The following STARD7 variants were observed in gnomAD, a reference collection of about 807,000 sequenced individuals.
The protein encoded by STARD7 is StAR related lipid transfer domain containing 7, also known as stAR-related lipid transfer protein 7, mitochondrial.
In STARD7, 30 loss-of-function variants were observed where a neutral mutation model predicts 45.3. The observed-to-expected ratio is 0.66, with a 90% CI of 0.50 to 0.90. The LOEUF (loss-of-function observed/expected upper bound fraction) is 0.90. Ranked by LOEUF, STARD7 falls within the 40% of genes least tolerant of loss-of-function variation. The probability of loss-of-function intolerance (pLI) is 0.00; values close to 1 mark genes in which losing one functional copy is unlikely to be tolerated. For synonymous variants in STARD7, 199 were observed against 183.0 expected, an observed-to-expected ratio of 1.09 and a Z score of -0.70; for missense variants, 495 against 491.3, an observed-to-expected ratio of 1.01 and a Z score of -0.07.
At chr2:96,207,127 A>T (rs1328991175) in intron 1 of STARD7, among the ~76,000 whole-genome samples, 1 of 152,248 alleles carries the variant, frequency 6.6e-6, no homozygotes, top group Non-Finnish European at 1.5e-5. Flanking sequence ...TTTACCCACA[A>T]TTCATAGTGT....
chr2:96,198,091 G>C (rs375979056), intron 1 of STARD7, among the ~76,000 whole-genome samples: 2 of 152,108 alleles, frequency 1.3e-5, no homozygotes, highest in Non-Finnish European at 2.9e-5. Context: ...GGGAGGCCAA[G>C]GTGGGTGGAT....
chr2:96,202,072 T>C (rs909333422), intron 1 of STARD7, among the ~76,000 whole-genome samples: 2 of 152,174 alleles, frequency 1.3e-5, no homozygotes, highest in Non-Finnish European at 2.9e-5. Context: ...AGGGGAATAT[T>C]TGTCATTTTG....
chr2:96,208,097 C>T, intron 1 of STARD7, 48 bp downstream of exon 1: 1 of 1,485,182 alleles, frequency 6.7e-7, no homozygotes, highest in South Asian at 1.4e-5. Flanking sequence ...CCAGGGTTCA[C>T]AAGCCCCCCC....
intron 6 of STARD7, among the ~76,000 whole-genome samples, chr2:96,188,821 GA>G (rs1433911598): frequency 1.3e-5 from 2 of 151,946 alleles, no homozygotes; most frequent in African/African-American, 4.8e-5. Context: ...TTGAACCCGG[GA>G]GGCGGAGGTT....
At chr2:96,196,204 C>T (rs1683203590) in intron 1 of STARD7, among the ~76,000 whole-genome samples, 1 of 152,092 alleles carries the variant, frequency 6.6e-6, no homozygotes, top group African/African-American at 2.4e-5. Context: ...GAGGCTCACT[C>T]CTGTAGTCCC....
chr2:96,196,960 G>T (rs1683220274), intron 1 of STARD7, among the ~76,000 whole-genome samples: 1 of 151,628 alleles, frequency 6.6e-6, no homozygotes, highest in Non-Finnish European at 1.5e-5. Flanking sequence ...CAGCTACTCG[G>T]GAGACTGAGG....
At chr2:96,204,110 T>C (rs1180413543) in intron 1 of STARD7, among the ~76,000 whole-genome samples, 1 of 149,380 alleles carries the variant, frequency 6.7e-6, no homozygotes, top group African/African-American at 2.5e-5. Flanking sequence ...AATACAAAAA[T>C]TAAACAGGCG....
intron 1 of STARD7, among the ~76,000 whole-genome samples, chr2:96,196,841 G>C (rs1166903594): frequency 1.3e-5 from 2 of 151,722 alleles, no homozygotes. Flanking sequence ...GCTGAGGCAG[G>C]CGATCACCTG....
chr2:96,190,335 CTTTTTTTTTTT>C (rs1253428303), intron 6 of STARD7, among the ~76,000 whole-genome samples: 1 of 131,726 alleles, frequency 7.6e-6, no homozygotes, highest in Admixed American at 7.8e-5. Flanking sequence ...AAGTCTGTGT[CTTTTTTTTTTT>C]TTTTTTTTGA....
At chr2:96,187,934 G>T (rs1448529151) in intron 6 of STARD7, 1 of 152,054 alleles carries the variant, frequency 6.6e-6, no homozygotes, top group African/African-American at 2.4e-5. Flanking sequence ...TTCCAGCCTG[G>T]GAAACAGAGC....
intron 1 of STARD7, among the ~76,000 whole-genome samples, chr2:96,203,175 A>G (rs1683333233): frequency 6.6e-6 from 1 of 152,258 alleles, no homozygotes; most frequent in Admixed American, 6.5e-5. Context: ...ATTCACTAAC[A>G]TATATGTGGA....
intron 1 of STARD7, among the ~76,000 whole-genome samples, chr2:96,199,797 T>A (rs989508370): frequency 6.6e-6 from 1 of 152,228 alleles, no homozygotes; most frequent in Non-Finnish European, 1.5e-5. Flanking sequence ...ATGTTTTTTG[T>A]AGATGCCTTT....
intron 1 of STARD7, among the ~76,000 whole-genome samples, chr2:96,196,548 G>A (rs1363481844): frequency 1.3e-5 from 2 of 152,148 alleles, no homozygotes; most frequent in East Asian, 1.9e-4. Flanking sequence ...TGCAACTTCC[G>A]CCTCCTGGGT....
rs757838003 is a variant in STARD7 at position 96,194,999 on chromosome 2, T to C, written c.508A>G (p.Thr170Ala). Residue 170 changes from threonine to alanine, a missense_variant, in exon 3 of 8, where the codon ACC becomes GCC. By Grantham distance (58) the Thr-to-Ala change is moderately conservative. Transcript: ENST00000337288. The part of the protein sequence containing the change: ...THLYQYRVFG[T>A]YTDVTPRQFF... ...TGCCGAGGTGTCACATCTGTGTAGG[T>C]TCCAAAAACTAGAATGAAAAGAAAG... 7.5e-6 allele frequency: 12 copies of C among 1,608,964 alleles called. No individual in the cohort carries two copies. The East Asian group carries it at 2.7e-4, about 36-fold the overall frequency.
chr2:96,199,977 G>C (rs1161119419), intron 1 of STARD7, among the ~76,000 whole-genome samples: 1 of 152,170 alleles, frequency 6.6e-6, no homozygotes, highest in African/African-American at 2.4e-5. Context: ...TTTGTATGAA[G>C]AACCGACCTT....
intron 3 of STARD7, among the ~76,000 whole-genome samples, chr2:96,194,693 C>T (rs1558735015): frequency 6.6e-6 from 1 of 152,180 alleles, no homozygotes; most frequent in East Asian, 1.9e-4. Context: ...AATAAAGCCT[C>T]ATAAAATACA....
chr2:96,189,825 TG>T (rs1683098919), intron 6 of STARD7, among the ~76,000 whole-genome samples: 1 of 152,162 alleles, frequency 6.6e-6, no homozygotes, highest in Non-Finnish European at 1.5e-5. Flanking sequence ...ATTCTGAGGC[TG>T]TGTATTTCAA....
intron 1 of STARD7, among the ~76,000 whole-genome samples, chr2:96,197,066 C>CAAAATAAAAT (rs369471334): frequency 0.094 from 8,427 of 89,630 alleles, 660 homozygotes; most frequent in East Asian, 0.24. Flanking sequence ...AACTCCGTCT[C>CAAAATAAAAT]AAAATAAAAT....
rs985033793 is a variant in STARD7 at position 96,195,561 on chromosome 2, A to G, written c.291-12T>C. ...TCTCATTAATAGATCTGTAAAGGGG[A>G]AAAAGAGCCATGGTGAGGTGGTTAG... On this transcript the variant is annotated splice_polypyrimidine_tract_variant and intron_variant, in intron 1 of 7. Transcript: ENST00000337288. 2.5e-6 allele frequency: 4 copies of G among 1,603,842 alleles called. No individual in the cohort carries two copies. The highest frequency in any genetic ancestry group is 3.4e-6 in the Non-Finnish European group (4 of 1,172,438).
Sources: gnomAD v4.1 joint callset for allele counts (sites outside exome capture counted in the v4.1 genomes callset) on GRCh38, gnomAD v4.1.1 for gene constraint, MANE v1.5 for transcripts, NCBI Gene and HGNC (gene_info 2026-07-23, HGNC 2026-07-21) for gene names.